COL19A1: variants seen among roughly 807,000 people sequenced by gnomAD.
The protein encoded by COL19A1 is collagen type XIX alpha 1 chain.
A neutral mutation model predicts 190.2 loss-of-function variants in COL19A1; 159 were observed. The observed-to-expected ratio is 0.84, with a 90% CI of 0.73 to 0.95. COL19A1 has a LOEUF of 0.95. COL19A1 is among the 40% of genes least tolerant of loss of function. The pLI, the probability that COL19A1 is intolerant of heterozygous loss-of-function variation, is 0.00. For synonymous variants in COL19A1, 509 were observed against 458.9 expected (o/e 1.11, Z -1.39); for missense variants, 1,418 against 1,431.9 (o/e 0.99, Z 0.16).
rs375416640 is a variant in COL19A1 at position 70,115,920 on chromosome 6, C to T, written c.1279-5960C>T. Reference sequence around the variant, plus strand: ...GCATTCTCAGAAAAAAAATCCATTACAATTATAACTGCTTAATTTATGTAA... The same window carrying T: ...GCATTCTCAGAAAAAAAATCCATTATAATTATAACTGCTTAATTTATGTAA... On this transcript the variant is annotated intron_variant, in intron 16 of 50. Coordinates refer to ENST00000620364, the MANE Select transcript of COL19A1 (RefSeq NM_001858.6). Among the ~76,000 whole-genome samples, 411 of 144,736 alleles carry T rather than the reference C, an allele frequency of 2.8e-3. 2 individuals carry two copies. The highest frequency in any genetic ancestry group is 0.013 in the South Asian group (57 of 4,488). The allele number at this position is 144,736 out of a possible 152,430, so 95.0% of individuals were successfully genotyped here. A position where few individuals can be genotyped will look rare whatever the true frequency, so the allele number is the denominator to read the frequency against.
chr6:69,977,384 A>G (rs1480433058), intron 11 of COL19A1, among the ~76,000 whole-genome samples: 1 of 111,714 alleles, frequency 9.0e-6, no homozygotes, highest in African/African-American at 3.5e-5. Flanking sequence ...GGACACAGGG[A>G]GGGGAACATC....
At chr6:70,096,084 ATTT>A (rs70987498) in intron 15 of COL19A1, among the ~76,000 whole-genome samples, 2 of 141,292 alleles carry the variant, frequency 1.4e-5, no homozygotes, top group East Asian at 2.1e-4. Context: ...CGGTAACTCT[ATTT>A]TTTTTTTTTT....
intron 16 of COL19A1, among the ~76,000 whole-genome samples, chr6:70,111,137 G>A (rs1191398094): frequency 1.3e-5 from 2 of 152,156 alleles, no homozygotes; most frequent in Admixed American, 6.6e-5. Context: ...CATACTGTAT[G>A]TAATTTTACT....
At chr6:70,182,399 T>A (rs1766230123) in intron 44 of COL19A1, among the ~76,000 whole-genome samples, 1 of 152,172 alleles carries the variant, frequency 6.6e-6, no homozygotes, top group South Asian at 2.1e-4. Flanking sequence ...CTGTTTGACA[T>A]GTTCATGATG....
chr6:70,067,899 A>G (rs1471997017), intron 14 of COL19A1, among the ~76,000 whole-genome samples: 1 of 151,930 alleles, frequency 6.6e-6, no homozygotes, highest in African/African-American at 2.4e-5. Context: ...AAGAATGTTT[A>G]TTTTCCCTAC....
chr6:69,977,045 C>T (rs1236562023), intron 11 of COL19A1, among the ~76,000 whole-genome samples: 3 of 152,174 alleles, frequency 2.0e-5, no homozygotes, highest in South Asian at 4.1e-4. Context: ...CCGTTTGACC[C>T]AGCCATCCCA....
At chr6:70,062,708 C>T (rs557879267) in intron 14 of COL19A1, among the ~76,000 whole-genome samples, 217 of 152,004 alleles carry the variant, frequency 1.4e-3, no homozygotes, top group Non-Finnish European at 2.5e-3. Context: ...GAGTCAAGAC[C>T]CATCAGTGTG....
At chr6:69,990,720 ACTT>A (rs1776571133) in intron 11 of COL19A1, among the ~76,000 whole-genome samples, 1 of 152,030 alleles carries the variant, frequency 6.6e-6, no homozygotes, top group East Asian at 1.9e-4. Flanking sequence ...TAGCAAGACT[ACTT>A]CATAAATTGT....
At chr6:69,900,377 T>C (rs41265344) in intron 4 of COL19A1, 39 bp downstream of exon 4, 27,185 of 1,057,464 alleles carry the variant, frequency 0.026, 472 homozygotes, top group Non-Finnish European at 0.03. Context: ...TAATAATACT[T>C]CATAAATTAT....
At position 69,870,803 on chromosome 6, in the gene COL19A1, G is replaced by A. The variant is rs183779410; in HGVS notation, c.-33+4163G>A. Among the ~76,000 whole-genome samples, 165 of 152,318 alleles carry A rather than the reference G, an allele frequency of 1.1e-3. 1 individual carries two copies. Among genetic ancestry groups the A allele is most frequent in the African/African-American group, 3.8e-3 (158 of 41,570 alleles). On this transcript the variant is annotated intron_variant, in intron 1 of 50. Coordinates refer to ENST00000620364, the MANE Select transcript of COL19A1 (RefSeq NM_001858.6). ...GTTAGGAGTCTATTGCAATTTTCCA[G>A]ATTAGGAATGGTAAAAACGTGAACT...
At chr6:70,025,621 G>T (rs1778691374) in intron 12 of COL19A1, among the ~76,000 whole-genome samples, 1 of 152,196 alleles carries the variant, frequency 6.6e-6, no homozygotes, top group African/African-American at 2.4e-5. Context: ...ATTCTGAAAT[G>T]GATAGAATTT....
chr6:69,925,237 T>C (rs1772282646), intron 4 of COL19A1, among the ~76,000 whole-genome samples: 1 of 152,236 alleles, frequency 6.6e-6, no homozygotes, highest in Non-Finnish European at 1.5e-5. Context: ...TTTAAGTCTT[T>C]AATCCATCTT....
chr6:70,058,829 TAAAA>T (rs1019671066), intron 14 of COL19A1, among the ~76,000 whole-genome samples: 6 of 151,722 alleles, frequency 4.0e-5, no homozygotes, highest in African/African-American at 1.5e-4. Flanking sequence ...AAGTTAAAAT[TAAAA>T]AAAAGAAAAA....
intron 41 of COL19A1, among the ~76,000 whole-genome samples, chr6:70,172,499 C>T (rs1465939520): frequency 6.6e-6 from 1 of 152,002 alleles, no homozygotes; most frequent in Non-Finnish European, 1.5e-5. Flanking sequence ...GGGAAGTGGC[C>T]TTGTCATATA....
At chr6:69,909,253 C>G (rs1311397874) in intron 4 of COL19A1, among the ~76,000 whole-genome samples, 1 of 152,004 alleles carries the variant, frequency 6.6e-6, no homozygotes, top group Non-Finnish European at 1.5e-5. Flanking sequence ...TTTCACTTGT[C>G]TTGTTGAAAC....
chr6:70,069,383 G>C (rs1439881465), intron 15 of COL19A1, among the ~76,000 whole-genome samples: 1 of 152,034 alleles, frequency 6.6e-6, no homozygotes, highest in Admixed American at 6.6e-5. Context: ...AAATATTTGA[G>C]GGTCAGTGGT....
At chr6:70,086,494 A>C (rs1052897049) in intron 15 of COL19A1, among the ~76,000 whole-genome samples, 13 of 152,194 alleles carry the variant, frequency 8.5e-5, no homozygotes, top group Admixed American at 1.3e-4. Context: ...TTGATTAAAA[A>C]ATTCTTGAAG....
intron 44 of COL19A1, among the ~76,000 whole-genome samples, chr6:70,181,816 A>G (rs1358447994): frequency 1.3e-5 from 2 of 152,134 alleles, no homozygotes; most frequent in Non-Finnish European, 2.9e-5. Context: ...GGAAGGTCAG[A>G]GGACCATTGT....
chr6:70,202,552 A>T (rs554397017), intron 49 of COL19A1, among the ~76,000 whole-genome samples: 1 of 152,210 alleles, frequency 6.6e-6, no homozygotes, highest in South Asian at 2.1e-4. Context: ...GCACTATGGA[A>T]TGAGTCCTTT....
Sources: allele counts gnomAD v4.1 joint callset (sites outside exome capture counted in the v4.1 genomes callset), GRCh38; gene constraint gnomAD v4.1.1; transcripts MANE v1.5; gene names NCBI Gene and HGNC (gene_info 2026-07-23, HGNC 2026-07-21).